The following SAMD12 variants were observed in gnomAD, a reference collection of about 807,000 sequenced individuals.
SAMD12 encodes the protein sterile alpha motif domain containing 12.
Under a neutral mutation model 15.0 loss-of-function variants are expected in SAMD12, and 9 were observed. That is an observed-to-expected ratio of 0.60 (90% CI 0.36 to 1.05). The LOEUF (loss-of-function observed/expected upper bound fraction) is 1.05, where lower values mean the gene tolerates loss of function less well. Ranked by LOEUF, SAMD12 falls within the 50% of genes least tolerant of loss-of-function variation. The probability of loss-of-function intolerance (pLI) is 0.01; values close to 1 mark genes in which losing one functional copy is unlikely to be tolerated. For synonymous variants in SAMD12, 86 were observed against 90.1 expected (o/e 0.96, Z 0.25); for missense variants, 230 against 234.2 (o/e 0.98, Z 0.12).
At chr8:118,595,025 T>G (rs1174214451) in intron 1 of SAMD12, among the ~76,000 whole-genome samples, 1 of 152,178 alleles carries the variant, frequency 6.6e-6, no homozygotes, top group Non-Finnish European at 1.5e-5. Flanking sequence ...CACCATTACC[T>G]ACATCCCTTT....
chr8:118,384,852 T>A (rs1819867105), intron 3 of SAMD12, among the ~76,000 whole-genome samples: 1 of 152,168 alleles, frequency 6.6e-6, no homozygotes, highest in African/African-American at 2.4e-5. Flanking sequence ...CATAGGCATA[T>A]CCTGGCAGAA....
chr8:118,256,868 T>C (rs1366513948), intron 4 of SAMD12, among the ~76,000 whole-genome samples: 1 of 151,708 alleles, frequency 6.6e-6, no homozygotes, highest in Non-Finnish European at 1.5e-5. Flanking sequence ...TAGAGTCTTT[T>C]AGGATACTTT....
chr8:118,422,833 A>G (rs1448986322), intron 3 of SAMD12, among the ~76,000 whole-genome samples: 1 of 152,158 alleles, frequency 6.6e-6, no homozygotes, highest in African/African-American at 2.4e-5. Flanking sequence ...CTGAAATGCA[A>G]AAGTGGAGGG....
At chr8:118,495,567 T>TC (rs1554674409) in intron 2 of SAMD12, among the ~76,000 whole-genome samples, 3 of 151,118 alleles carry the variant, frequency 2.0e-5, no homozygotes, top group Non-Finnish European at 4.4e-5. Flanking sequence ...TTTTTTTTTT[T>TC]ACCTTATCTC....
At chr8:118,399,203 T>A (rs201559122) in intron 3 of SAMD12, among the ~76,000 whole-genome samples, 1 of 19,362 alleles carries the variant, frequency 5.2e-5, no homozygotes, top group South Asian at 7.4e-4. Flanking sequence ...TTTTTTTTCT[T>A]TTTTTTTTTT....
At chr8:118,410,404 A>G (rs1821352134) in intron 3 of SAMD12, among the ~76,000 whole-genome samples, 1 of 152,222 alleles carries the variant, frequency 6.6e-6, no homozygotes, top group South Asian at 2.1e-4. Context: ...GTTTTAAAAC[A>G]CAGACCTGAA....
At chr8:118,135,931 C>T in the SAMD12 span, among the ~76,000 whole-genome samples, 17 of 152,318 alleles carry the variant, frequency 1.1e-4, no homozygotes, top group African/African-American at 4.1e-4. Context: ...TTCCACACAA[C>T]ATCCTCATCC....
chr8:118,448,133 G>C (rs1471153539), intron 2 of SAMD12, among the ~76,000 whole-genome samples: 4 of 152,026 alleles, frequency 2.6e-5, no homozygotes, highest in Non-Finnish European at 5.9e-5. Context: ...GTTTTTCTTT[G>C]CTGGAATACC....
intron 4 of SAMD12, among the ~76,000 whole-genome samples, chr8:118,359,003 C>CTGTGTGTGTG (rs35454734): frequency 0.018 from 2,676 of 149,314 alleles, 64 homozygotes; most frequent in African/African-American, 0.061. Context: ...TGGCATTAAA[C>CTGTGTGTGTG]TGTGTGTGTG....
At chr8:118,272,883 C>G (rs1223855118) in intron 4 of SAMD12, among the ~76,000 whole-genome samples, 1 of 152,218 alleles carries the variant, frequency 6.6e-6, no homozygotes, top group African/African-American at 2.4e-5. Flanking sequence ...CCACATCTGC[C>G]TGTCTCCTGA....
intron 4 of SAMD12, among the ~76,000 whole-genome samples, chr8:118,232,254 T>A (rs918030771): frequency 6.6e-6 from 1 of 152,052 alleles, no homozygotes; most frequent in African/African-American, 2.4e-5. Flanking sequence ...AAGCTCCCCA[T>A]AGAAACACAT....
At chr8:118,283,553 G>C (rs1156318469) in intron 4 of SAMD12, among the ~76,000 whole-genome samples, 1 of 152,118 alleles carries the variant, frequency 6.6e-6, no homozygotes, top group Non-Finnish European at 1.5e-5. Flanking sequence ...TTCCCAATCT[G>C]AATCGGCACA....
chr8:118,527,484 G>A (rs771748205), intron 2 of SAMD12, among the ~76,000 whole-genome samples: 9 of 152,044 alleles, frequency 5.9e-5, no homozygotes, highest in East Asian at 1.9e-4. Context: ...GGTCTTCTAG[G>A]CATACAATTT....
At chr8:118,288,819 A>G (rs1814199990) in intron 4 of SAMD12, among the ~76,000 whole-genome samples, 1 of 152,230 alleles carries the variant, frequency 6.6e-6, no homozygotes, top group South Asian at 2.1e-4. Context: ...TTTTAGCCTC[A>G]TTAACATGAG....
intron 4 of SAMD12, among the ~76,000 whole-genome samples, chr8:118,325,572 T>G (rs1438172362): frequency 1.3e-5 from 2 of 152,326 alleles, no homozygotes; most frequent in Admixed American, 6.5e-5. Flanking sequence ...GTTATCTTTT[T>G]TGTGTGTGTG....
intron 2 of SAMD12, among the ~76,000 whole-genome samples, chr8:118,465,039 G>A (rs2130947635): frequency 6.6e-6 from 1 of 152,328 alleles, no homozygotes; most frequent in Admixed American, 6.5e-5. Flanking sequence ...TGCCTGCAGG[G>A]TAAGTGATCC....
rs113574069 is a variant in SAMD12, at chr8:118,235,596, A to C, written c.434-37864T>G. Among the ~76,000 whole-genome samples, 448 of 152,294 alleles carry C rather than the reference A, an allele frequency of 2.9e-3. 5 individuals are homozygous for C. The highest frequency in any genetic ancestry group is 0.01 in the African/African-American group (429 of 41,574). ...TGCAATCAAATGTCAATCTTACTAC[A>C]AAGTGAAAGAGATCTTAGCAGTGGG... On this transcript the variant is annotated intron_variant, in intron 4 of 4. Coordinates refer to the SAMD12 transcript ENST00000409003.
At chr8:118,538,192 C>G (rs573763550) in intron 2 of SAMD12, among the ~76,000 whole-genome samples, 4 of 151,214 alleles carry the variant, frequency 2.6e-5, no homozygotes, top group Admixed American at 1.3e-4. Context: ...CTGTCTGTCT[C>G]TCTTTCTCTC....
intron 2 of SAMD12, among the ~76,000 whole-genome samples, chr8:118,561,189 TTAA>T (rs1161579561): frequency 5.3e-5 from 8 of 152,186 alleles, no homozygotes; most frequent in Non-Finnish European, 1.0e-4. Context: ...ATTTAATGAT[TTAA>T]TAATGCTGTT....
Sources: gnomAD v4.1 joint callset for allele counts (sites outside exome capture counted in the v4.1 genomes callset) on GRCh38, gnomAD v4.1.1 for gene constraint, MANE v1.5 for transcripts, NCBI Gene and HGNC (gene_info 2026-07-23, HGNC 2026-07-21) for gene names.